XAB2: variants seen among roughly 807,000 people sequenced by gnomAD.
XAB2 encodes XPA binding protein 2, also known as pre-mRNA-splicing factor SYF1.
Under a neutral mutation model 113.4 loss-of-function variants are expected in XAB2, and 57 were observed. That is an observed-to-expected ratio of 0.50 (90% CI 0.41 to 0.63). The LOEUF is 0.63. Among genes scored for constraint, XAB2 ranks in the 20% least tolerant of loss-of-function variants. The pLI, the probability that XAB2 is intolerant of heterozygous loss-of-function variation, is 0.00. For missense variants in XAB2, 1,037 were observed against 1,233.3 expected, an observed-to-expected ratio of 0.84 and a Z score of 2.38; for synonymous variants, 497 against 498.8, an observed-to-expected ratio of 1.00 and a Z score of 0.05.
rs1470024445 is a variant in XAB2, at chr19:7,627,908, C to G, written c.201-57G>C. ...GTCAGCTTTATGGACACCCCCAGAACCATTTGCCCTGCCCCAGTTGGCAAA... is the reference window on the plus strand; with the variant it reads ...GTCAGCTTTATGGACACCCCCAGAAGCATTTGCCCTGCCCCAGTTGGCAAA... On this transcript the variant is annotated intron_variant, in intron 2 of 18. Transcript: ENST00000358368. The surrounding 1 kb of genome is among the most constrained non-coding windows in gnomAD (Gnocchi z 4.5). 1 of 1,582,352 alleles carries G rather than the reference C, an allele frequency of 6.3e-7. No homozygotes were observed. The highest frequency in any genetic ancestry group is 1.3e-5 in the African/African-American group (1 of 74,392).
chr19:7,619,700 G>A, intron 18 of XAB2, 47 bp downstream of exon 18: 19 of 1,609,336 alleles, frequency 1.2e-5, no homozygotes, highest in Non-Finnish European at 1.5e-5. Context: ...TGTCCCCCGA[G>A]GCCCACCCTG....
Position 7,622,639 on chromosome 19 carries a change from C to A in XAB2, c.1394G>T (p.Arg465Leu). ...LLRKATALPA[R>L]RAEYFDGSEP... ...TGAACCATCAAAGTACTCGGCCCGG[C>A]GGGCAGGCAGCGCCGTGGCCTTCTG... is the stretch of plus-strand genomic sequence containing the variant. Residue 465 changes from arginine (R) to leucine (L), a missense_variant, in exon 11 of 19, where the codon CGC becomes CTC. Arg to Leu is a moderately radical substitution (Grantham distance 102). Coordinates refer to ENST00000358368, the MANE Select transcript of XAB2 (RefSeq NM_020196.3). 1.2e-6 allele frequency: 2 copies of A among 1,611,528 alleles called. No homozygotes were observed. The highest frequency in any genetic ancestry group is 1.7e-6 in the Non-Finnish European group (2 of 1,179,972).
intron 4 of XAB2, among the ~76,000 whole-genome samples, chr19:7,626,972 G>A (rs1486993880): frequency 1.3e-5 from 2 of 152,112 alleles, no homozygotes; most frequent in African/African-American, 4.8e-5. Flanking sequence ...ATATGCATCT[G>A]TCTTCCTACT....
At chr19:7,621,095 G>GCCCCC in intron 13 of XAB2, 40 bp downstream of exon 13, 1 of 1,486,314 alleles carries the variant, frequency 6.7e-7, no homozygotes, top group Non-Finnish European at 9.0e-7. Context: ...CAGAAACCCA[G>GCCCCC]CCCGCCCGCC....
chr19:7,625,771 A>G lies in XAB2; in HGVS notation c.822+109T>C. 1 of 1,428,076 alleles carries G rather than the reference A, an allele frequency of 7.0e-7. No homozygotes were observed. The highest frequency in any genetic ancestry group is 9.3e-7 in the Non-Finnish European group (1 of 1,072,730). The allele number at this position is 1,428,076 out of a possible 1,614,324, so 88.5% of individuals were successfully genotyped here. ...TGGGATGACAGGTGTGAGCCACCAC[A>G]CCCAGCCATAAATGGCATGTTTTCT... On this transcript the variant is annotated intron_variant, in intron 6 of 18. Coordinates refer to ENST00000358368, the MANE Select transcript of XAB2 (RefSeq NM_020196.3). This position sits in a 1 kb window ranked among gnomAD's most constrained non-coding sequence, Gnocchi z 5.2.
In XAB2 at chr19:7,622,299, C is replaced by A. The variant is rs374805663; in HGVS notation, c.1617+32G>T. ...ACCCCTGGGGAGGGGACACTGCCATCAGGGGCCTCTGGGTCCACCCTAGCC... is the reference window on the plus strand; with the variant it reads ...ACCCCTGGGGAGGGGACACTGCCATAAGGGGCCTCTGGGTCCACCCTAGCC... On this transcript the variant is annotated intron_variant, in intron 12 of 18. Coordinates refer to ENST00000358368, the MANE Select transcript of XAB2 (RefSeq NM_020196.3). The A allele has an allele frequency of 2.4e-5, 39 of 1,607,436 alleles. 1 individual carries two copies. The African/African-American group carries it at 4.3e-4, about 18-fold the overall frequency.
intron 12 of XAB2, chr19:7,621,992 T>A (rs771725120): frequency 4.4e-5 from 11 of 247,198 alleles, no homozygotes; most frequent in Non-Finnish European, 6.4e-5. Context: ...TAAGTTAAAC[T>A]GAGGTCGTTA....
In XAB2 at chr19:7,619,545, A is replaced by C; in HGVS notation, c.*41T>G. On this transcript the variant is annotated 3_prime_UTR_variant, in exon 19 of 19. Transcript: ENST00000358368. ...GACCATGATGTACAAACGTAGCTGTATTGGGGAGGGGGTGGGGAGGGGGGA... is the reference window on the plus strand; with the variant it reads ...GACCATGATGTACAAACGTAGCTGTCTTGGGGAGGGGGTGGGGAGGGGGGA... 1.7e-6 allele frequency: 2 copies of C among 1,180,598 alleles called. No homozygotes were observed. The highest frequency in any genetic ancestry group is 2.2e-6 in the Non-Finnish European group (2 of 908,896). The allele number at this position is 1,180,598 out of a possible 1,614,324, so 73.1% of individuals were successfully genotyped here.
In XAB2 at chr19:7,624,588, G is replaced by C; in HGVS notation, c.823-143C>G. ...CAGCACCTCTGGGTAGTGACCCCAG[G>C]ACAGAGCCTCCGTGGAGCCTTCTCA... On this transcript the variant is annotated intron_variant, in intron 6 of 18. Coordinates refer to ENST00000358368, the MANE Select transcript of XAB2 (RefSeq NM_020196.3). This position sits in a 1 kb window ranked among gnomAD's most constrained non-coding sequence, Gnocchi z 4.2. 2 of 1,291,994 alleles carry C rather than the reference G, an allele frequency of 1.5e-6. No homozygotes were observed. The highest frequency in any genetic ancestry group is 1.4e-5 in the South Asian group (1 of 72,100). 80.0% of individuals were successfully genotyped at this position (1,291,994 alleles called of 1,614,324 possible). A position where few individuals can be genotyped will look rare whatever the true frequency, so the allele number is the denominator to read the frequency against.
At chr19:7,622,948 CCAT>C (rs1189457057) in intron 9 of XAB2, 55 bp from the exon 10 acceptor site, 2 of 1,596,462 alleles carry the variant, frequency 1.3e-6, no homozygotes, top group African/African-American at 2.7e-5. Context: ...ACAGCTCCCA[CCAT>C]CAAGGGTCAG....
At position 7,625,733 on chromosome 19, in the gene XAB2, C is replaced by A. The variant is rs541430105; in HGVS notation, c.822+147G>T. On this transcript the variant is annotated intron_variant, in intron 6 of 18. Coordinates refer to ENST00000358368, the MANE Select transcript of XAB2 (RefSeq NM_020196.3). The surrounding 1 kb of genome is among the most constrained non-coding windows in gnomAD (Gnocchi z 5.2). ...ACCTCAAGTGATCCTACCGCCTCGGCCTCCCAAAGTGCTGGGATGACAGGT... is the reference window on the plus strand; with the variant it reads ...ACCTCAAGTGATCCTACCGCCTCGGACTCCCAAAGTGCTGGGATGACAGGT... 2 of 1,140,408 alleles carry A rather than the reference C, an allele frequency of 1.8e-6. No individual in the cohort carries two copies. Among genetic ancestry groups the A allele is most frequent in the Non-Finnish European group, 2.4e-6 (2 of 831,974 alleles). 70.6% of individuals were successfully genotyped at this position (1,140,408 alleles called of 1,614,324 possible). A position where few individuals can be genotyped will look rare whatever the true frequency, so the allele number is the denominator to read the frequency against.
At position 7,620,364 on chromosome 19, in the gene XAB2, A is replaced by G; in HGVS notation, c.2177T>C (p.Ile726Thr). ...GTACGTGGCCTGCACGCTGCGCCGG[A>G]TACGCAGCATTTCCTTGATGGTGTC... ...NEDTIKEMLR[I>T]RRSVQATYNT... Residue 726 changes from isoleucine to threonine, a missense_variant, in exon 16 of 19, where the codon ATC becomes ACC. Transcript: ENST00000358368. 6.2e-7 allele frequency: 1 copy of G among 1,613,338 alleles called. No homozygotes were observed. The highest frequency in any genetic ancestry group is 8.5e-7 in the Non-Finnish European group (1 of 1,180,008).
In XAB2 at chr19:7,628,460, G is replaced by A. The variant is rs943826213; in HGVS notation, c.52-162C>T. Reference sequence around the variant, plus strand: ...CAGATGCCCAGGCACCAAACCAGATGCCCGACACCAAGACAGTGGCCCAGA... The same window carrying A: ...CAGATGCCCAGGCACCAAACCAGATACCCGACACCAAGACAGTGGCCCAGA... On this transcript the variant is annotated intron_variant, in intron 1 of 18. Coordinates refer to ENST00000358368, the MANE Select transcript of XAB2 (RefSeq NM_020196.3). This position sits in a 1 kb window ranked among gnomAD's most constrained non-coding sequence, Gnocchi z 4.6. 6.6e-6 allele frequency among the ~76,000 whole-genome samples: 1 copy of A among 152,048 alleles called. No individual in the cohort carries two copies. The highest frequency in any genetic ancestry group is 2.4e-5 in the African/African-American group (1 of 41,388).
intron 4 of XAB2, among the ~76,000 whole-genome samples, chr19:7,626,826 T>A (rs1412780060): frequency 6.6e-6 from 1 of 152,260 alleles, no homozygotes; most frequent in Admixed American, 6.5e-5. Context: ...ATAAAACAGA[T>A]ACTTTAAGTT....
In XAB2 at chr19:7,622,568, T is replaced by G; in HGVS notation, c.1465A>C (p.Met489Leu). 1.9e-6 allele frequency: 3 copies of G among 1,613,618 alleles called. No individual in the cohort carries two copies. The highest frequency in any genetic ancestry group is 2.5e-6 in the Non-Finnish European group (3 of 1,180,032). ...RVYKSLKVWSMLADLEESLGT... is the reference protein window; with the variant it reads ...RVYKSLKVWSLLADLEESLGT... Reference sequence around the variant, plus strand: ...AGGCTCTCCTCCAGGTCGGCGAGCATGGACCAGACCTTCAGTGACTTGTAC... The same window carrying G: ...AGGCTCTCCTCCAGGTCGGCGAGCAGGGACCAGACCTTCAGTGACTTGTAC... Residue 489 changes from methionine (M) to leucine (L), a missense_variant, in exon 11 of 19, where the codon ATG becomes CTG. By Grantham distance (15) the Met-to-Leu change is conservative. Coordinates refer to ENST00000358368, the MANE Select transcript of XAB2 (RefSeq NM_020196.3).
At position 7,621,220 on chromosome 19, in the gene XAB2, A is replaced by T; in HGVS notation, c.1695T>A (p.Ile565=). ...DIWSTYLTKF[I]ARYGGRKLER... is the part of the protein sequence containing the mutation. The stretch of plus-strand genomic sequence containing the variant: ...CCAGCTTGCGGCCCCCATAGCGGGC[A>T]ATGAATTTGGTCAGGTAGGTGCTCC... Residue 565 remains isoleucine (I), a synonymous_variant, in exon 13 of 19, where the codon ATT becomes ATA. Coordinates refer to ENST00000358368, the MANE Select transcript of XAB2 (RefSeq NM_020196.3). 1.2e-6 allele frequency: 2 copies of T among 1,612,932 alleles called. No individual in the cohort carries two copies. Among genetic ancestry groups the T allele is most frequent in the Non-Finnish European group, 1.7e-6 (2 of 1,179,900 alleles).
chr19:7,622,562 C>G lies in XAB2; in HGVS notation c.1471G>C (p.Ala491Pro), dbSNP rs776729823. ...YKSLKVWSML[A>P]DLEESLGTFQ... ...GTGCCGAGGCTCTCCTCCAGGTCGG[C>G]GAGCATGGACCAGACCTTCAGTGAC... Residue 491 changes from alanine to proline, a missense_variant, in exon 11 of 19, where the codon GCC (alanine) becomes CCC (proline). Physicochemically the swap from Ala to Pro is conservative, Grantham distance 27. Coordinates refer to ENST00000358368, the MANE Select transcript of XAB2 (RefSeq NM_020196.3). 1 of 1,613,622 alleles carries G rather than the reference C, an allele frequency of 6.2e-7. No homozygotes were observed. Among genetic ancestry groups the G allele is most frequent in the Admixed American group, 1.7e-5 (1 of 60,022 alleles).
rs760252398 is a variant in XAB2 at position 7,623,310 on chromosome 19, G to A, written c.1120-21C>T. 5 of 1,612,568 alleles carry A rather than the reference G, an allele frequency of 3.1e-6. No individual in the cohort carries two copies. Among genetic ancestry groups the A allele is most frequent in the Non-Finnish European group, 4.2e-6 (5 of 1,179,854 alleles). ...ATGATCTGGGGACAGGAGGGAGGAG[G>A]TCATATAGGACTCAGGACCCTGCAG... On this transcript the variant is annotated intron_variant, in intron 8 of 18. Coordinates refer to ENST00000358368, the MANE Select transcript of XAB2 (RefSeq NM_020196.3). The surrounding 1 kb of genome is among the most constrained non-coding windows in gnomAD (Gnocchi z 4.6).
Position 7,621,287 on chromosome 19 carries a change from C to T in XAB2, c.1628G>A (p.Arg543His), listed in dbSNP as rs370606624. 3.3e-5 allele frequency: 54 copies of T among 1,612,698 alleles called. No homozygotes were observed. The highest frequency in any genetic ancestry group is 4.2e-5 in the Non-Finnish European group (50 of 1,179,912). ...GGGCCACTTGAACAGCGAGATGCCG[C>T]GCTCGTACGCCTGTTACCAGAGGGA... is the stretch of plus-strand genomic sequence containing the variant. ...YFEESFKAYE[R>H]GISLFKWPNV... Residue 543 changes from arginine to histidine, a missense_variant, in exon 13 of 19, where the codon CGC becomes CAC. Physicochemically the swap from Arg to His is conservative, Grantham distance 29. Transcript: ENST00000358368.
Sources: gnomAD v4.1 joint callset for allele counts (sites outside exome capture counted in the v4.1 genomes callset) on GRCh38, gnomAD v4.1.1 for gene constraint, Gnocchi (gnomAD v3.1) non-coding constraint, MANE v1.5 for transcripts, NCBI Gene and HGNC (gene_info 2026-07-23, HGNC 2026-07-21) for gene names.